CSMD1: variants seen among roughly 807,000 people sequenced by gnomAD.
CSMD1 encodes CUB and Sushi multiple domains 1.
CSMD1 carries 213 observed loss-of-function variants against 417.5 expected under a neutral mutation model. The ratio of observed to expected loss-of-function variants is 0.51; its 90% CI spans 0.46 to 0.57. CSMD1 has a LOEUF of 0.57. CSMD1 is among the 20% of genes least tolerant of loss of function. CSMD1 has a pLI of 0.00. For synonymous variants in CSMD1, 2,862 were observed against 1,736.8 expected (o/e 1.65, Z -16.11); for missense variants, 6,923 against 4,529.7 (o/e 1.53, Z -15.17).
intron 3 of CSMD1, among the ~76,000 whole-genome samples, chr8:4,112,543 A>T (rs188855060): frequency 4.2e-4 from 64 of 152,272 alleles, no homozygotes; most frequent in African/African-American, 1.4e-3. Flanking sequence ...TGGACACAGC[A>T]CGTCCTGCTT....
At chr8:3,990,031 T>A (rs1769182691) in intron 5 of CSMD1, among the ~76,000 whole-genome samples, 1 of 152,168 alleles carries the variant, frequency 6.6e-6, no homozygotes, top group Non-Finnish European at 1.5e-5. Context: ...GAGGAATAAA[T>A]GAGAGTTAAG....
intron 3 of CSMD1, among the ~76,000 whole-genome samples, chr8:4,385,761 T>C (rs978990995): frequency 7.2e-5 from 11 of 152,214 alleles, no homozygotes; most frequent in African/African-American, 2.2e-4. Flanking sequence ...GAGGAATTCA[T>C]GTCGATTGTA....
chr8:4,834,268 A>T (rs976762187), intron 1 of CSMD1, among the ~76,000 whole-genome samples: 7 of 152,346 alleles, frequency 4.6e-5, no homozygotes, highest in African/African-American at 1.4e-4. Context: ...GACATCAAGT[A>T]TCTACCGAAA....
intron 5 of CSMD1, among the ~76,000 whole-genome samples, chr8:3,774,058 T>G (rs1482729533): frequency 1.3e-5 from 2 of 152,172 alleles, no homozygotes; most frequent in South Asian, 4.1e-4. Flanking sequence ...TTTGCTATTT[T>G]CCTAAAATAC....
chr8:4,850,530 C>T (rs1801407387), intron 1 of CSMD1, among the ~76,000 whole-genome samples: 1 of 151,894 alleles, frequency 6.6e-6, no homozygotes. Flanking sequence ...CATTTCCCTC[C>T]TTTGCACCAC....
At chr8:3,389,548 T>C (rs1326372146) in intron 17 of CSMD1, among the ~76,000 whole-genome samples, 1 of 152,116 alleles carries the variant, frequency 6.6e-6, no homozygotes, top group Admixed American at 6.6e-5. Context: ...TTCAAAAAGG[T>C]TTCTGTGGTC....
At chr8:3,773,602 G>C (rs1222503763) in intron 5 of CSMD1, among the ~76,000 whole-genome samples, 1 of 152,124 alleles carries the variant, frequency 6.6e-6, no homozygotes, top group Non-Finnish European at 1.5e-5. Context: ...TAGGTATTTA[G>C]TGAAGACAAA....
chr8:4,993,515 A>G (rs970038747), intron 1 of CSMD1, among the ~76,000 whole-genome samples: 1 of 151,738 alleles, frequency 6.6e-6, no homozygotes, highest in Non-Finnish European at 1.5e-5. Flanking sequence ...AGAAGAAAAC[A>G]TTCCCCAACT....
intron 1 of CSMD1, among the ~76,000 whole-genome samples, chr8:4,868,097 C>G (rs952344456): frequency 6.6e-6 from 1 of 152,064 alleles, no homozygotes; most frequent in African/African-American, 2.4e-5. Flanking sequence ...TTTAAAACGA[C>G]CTCTCACCAA....
chr8:4,461,381 T>C (rs976739063), intron 2 of CSMD1, among the ~76,000 whole-genome samples: 1 of 151,754 alleles, frequency 6.6e-6, no homozygotes, highest in African/African-American at 2.4e-5. Context: ...GCAGGAAATT[T>C]AAAGGCATAA....
intron 1 of CSMD1, among the ~76,000 whole-genome samples, chr8:4,785,797 G>A (rs1797372326): frequency 6.6e-6 from 1 of 152,178 alleles, no homozygotes; most frequent in African/African-American, 2.4e-5. Context: ...AGATATAAGT[G>A]TTGCCCAGAC....
intron 21 of CSMD1, among the ~76,000 whole-genome samples, chr8:3,355,114 C>G (rs552259851): frequency 6.6e-6 from 1 of 151,782 alleles, no homozygotes; most frequent in Non-Finnish European, 1.5e-5. Context: ...TTTTATTTCG[C>G]CCAATGACTT....
chr8:3,580,216 C>T (rs1263682568), intron 9 of CSMD1, among the ~76,000 whole-genome samples: 1 of 152,092 alleles, frequency 6.6e-6, no homozygotes, highest in Non-Finnish European at 1.5e-5. Context: ...TTGCCTTCAG[C>T]AGGAAACTAA....
At chr8:4,315,742 G>C (rs1400355114) in intron 3 of CSMD1, among the ~76,000 whole-genome samples, 1 of 152,104 alleles carries the variant, frequency 6.6e-6, no homozygotes, top group Admixed American at 6.6e-5. Flanking sequence ...AAAAGAAACT[G>C]AATGAAAGCA....
chr8:3,646,111 G>C (rs1797557469), intron 7 of CSMD1, among the ~76,000 whole-genome samples: 1 of 150,406 alleles, frequency 6.6e-6, no homozygotes, highest in South Asian at 2.1e-4. Context: ...CTTCAGCCGA[G>C]AAAACCTTTT....
intron 18 of CSMD1, among the ~76,000 whole-genome samples, chr8:3,377,031 C>A (rs1314512890): frequency 6.6e-6 from 1 of 152,202 alleles, no homozygotes; most frequent in South Asian, 2.1e-4. Context: ...TTTGTGGAGA[C>A]AGAGTCTTGC....
intron 3 of CSMD1, among the ~76,000 whole-genome samples, chr8:4,279,456 G>A (rs992816164): frequency 1.3e-5 from 2 of 152,116 alleles, no homozygotes; most frequent in Admixed American, 6.6e-5. Flanking sequence ...CCAAGTCCCA[G>A]TAGCCCATTT....
intron 2 of CSMD1, among the ~76,000 whole-genome samples, chr8:4,578,301 G>T (rs999228534): frequency 1.4e-5 from 2 of 141,826 alleles, no homozygotes; most frequent in African/African-American, 2.6e-5. Context: ...GAGTAGCTGG[G>T]ATTACAGGCA....
intron 3 of CSMD1, 29 bp from the exon 4 acceptor site, chr8:4,032,128 A>G (rs776975667): frequency 3.9e-6 from 6 of 1,553,340 alleles, no homozygotes; most frequent in Non-Finnish European, 5.3e-6. Context: ...AAAGGAGAAA[A>G]AACAAGTTAA....
Sources: allele counts gnomAD v4.1 joint callset (sites outside exome capture counted in the v4.1 genomes callset), GRCh38; gene constraint gnomAD v4.1.1; transcripts MANE v1.5; gene names NCBI Gene and HGNC (gene_info 2026-07-23, HGNC 2026-07-21).